ETHE1: variants seen among roughly 807,000 people sequenced by gnomAD.
The protein encoded by ETHE1 is ETHE1 persulfide dioxygenase, also known as persulfide dioxygenase ETHE1, mitochondrial.
ETHE1 carries 16 observed loss-of-function variants against 25.7 expected under a neutral mutation model. The observed-to-expected ratio is 0.62, with a 90% CI of 0.42 to 0.95. ETHE1 has a LOEUF of 0.95. Among genes scored for constraint, ETHE1 ranks in the 40% least tolerant of loss-of-function variants. The probability of loss-of-function intolerance (pLI) is 0.00; values close to 1 mark genes in which losing one functional copy is unlikely to be tolerated. For synonymous variants in ETHE1, 139 were observed against 135.9 expected (o/e 1.02, Z -0.16); for missense variants, 300 against 333.6 (o/e 0.90, Z 0.79).
At chr19:43,522,063 C>T (rs2070515631) in intron 3 of ETHE1, among the ~76,000 whole-genome samples, 1 of 152,118 alleles carries the variant, frequency 6.6e-6, no homozygotes, top group Non-Finnish European at 1.5e-5. Flanking sequence ...TTTGGCCTGC[C>T]ATCAGTTTTT....
intron 3 of ETHE1, among the ~76,000 whole-genome samples, chr19:43,518,547 C>T (rs1467626224): frequency 1.3e-5 from 2 of 151,380 alleles, no homozygotes; most frequent in African/African-American, 4.9e-5. Flanking sequence ...GAGATCGAGA[C>T]CATCCTGGCT....
intron 3 of ETHE1, among the ~76,000 whole-genome samples, chr19:43,522,241 G>A (rs1233912391): frequency 2.0e-5 from 3 of 152,162 alleles, no homozygotes; most frequent in African/African-American, 7.2e-5. Context: ...GAGCAACACA[G>A]CAAGACTCAG....
chr19:43,507,430 AG>A, intron 6 of ETHE1, among the ~76,000 whole-genome samples: 1 of 68,202 alleles, frequency 1.5e-5, no homozygotes, highest in Non-Finnish European at 2.7e-5. Flanking sequence ...CAGACCCAGG[AG>A]CCCAGGTCCC....
intron 3 of ETHE1, among the ~76,000 whole-genome samples, chr19:43,521,283 C>T (rs1972134001): frequency 6.6e-6 from 1 of 152,118 alleles, no homozygotes; most frequent in Non-Finnish European, 1.5e-5. Context: ...CGAGACTGCG[C>T]CACTGCACTC....
intron 3 of ETHE1, among the ~76,000 whole-genome samples, chr19:43,515,080 C>T (rs917938031): frequency 2.0e-5 from 3 of 151,886 alleles, no homozygotes; most frequent in South Asian, 4.2e-4. Flanking sequence ...AAAGCAATAC[C>T]GTTGAAATAA....
chr19:43,516,623 CTT>C (rs71169249), intron 3 of ETHE1, among the ~76,000 whole-genome samples: 5 of 110,156 alleles, frequency 4.5e-5, no homozygotes, highest in Admixed American at 1.2e-4. Flanking sequence ...TTCTTTTTTT[CTT>C]TTTTTTTTTT....
At chr19:43,515,524 G>A (rs1972001915) in intron 3 of ETHE1, among the ~76,000 whole-genome samples, 1 of 151,492 alleles carries the variant, frequency 6.6e-6, no homozygotes, top group Admixed American at 6.6e-5. Flanking sequence ...ATACCTCCAA[G>A]AACCCAGTGG....
chr19:43,515,207 A>G (rs1599997212), intron 3 of ETHE1, among the ~76,000 whole-genome samples: 2 of 152,236 alleles, frequency 1.3e-5, no homozygotes, highest in East Asian at 3.9e-4. Flanking sequence ...ACCTGAGGTC[A>G]GGAGTTCGAG....
Position 43,527,015 on chromosome 19 carries a change from C to G in ETHE1, c.81+82G>C, listed in dbSNP as rs527449742. Reference sequence around the variant, plus strand: ...TGCAGGCGTGGGTCCCCCCGGATCTCTCCCTATTAAGAGACCCCGGAGTTC... The same window carrying G: ...TGCAGGCGTGGGTCCCCCCGGATCTGTCCCTATTAAGAGACCCCGGAGTTC... On this transcript the variant is annotated intron_variant, in intron 1 of 6. Coordinates refer to ENST00000292147, the MANE Select transcript of ETHE1 (RefSeq NM_014297.5). 2.1e-5 allele frequency: 32 copies of G among 1,538,524 alleles called. 1 individual carries two copies. The Admixed American group carries it at 6.1e-4, about 29-fold the overall frequency.
At chr19:43,516,616 TTTTTTTC>T (rs1449351014) in intron 3 of ETHE1, among the ~76,000 whole-genome samples, 34 of 97,870 alleles carry the variant, frequency 3.5e-4, no homozygotes, top group African/African-American at 1.2e-3. Context: ...TTTTTCTTTC[TTTTTTTC>T]TTTTTTTTTT....
Position 43,527,118 on chromosome 19 carries a change from T to C in ETHE1, c.60A>G (p.Gly20=), listed in dbSNP as rs1972269893. 1 of 1,556,324 alleles carries C rather than the reference T, an allele frequency of 6.4e-7. No homozygotes were observed. The highest frequency in any genetic ancestry group is 8.7e-7 in the Non-Finnish European group (1 of 1,153,942). ...RRQLSQRGGS[G]APILLRQMFE... Reference sequence around the variant, plus strand: ...GCACCTGCCGCAGGAGGATGGGGGCTCCAGACCCGCCGCGCTGGCTCAGCT... The same window carrying C: ...GCACCTGCCGCAGGAGGATGGGGGCCCCAGACCCGCCGCGCTGGCTCAGCT... The change falls in exon 1 of 7, where the codon GGA becomes GGG. Residue 20 remains glycine (G), a synonymous_variant. Coordinates refer to ENST00000292147, the MANE Select transcript of ETHE1 (RefSeq NM_014297.5).
chr19:43,514,413 C>T (rs1006492815), intron 3 of ETHE1, among the ~76,000 whole-genome samples: 2 of 151,974 alleles, frequency 1.3e-5, no homozygotes, highest in African/African-American at 4.8e-5. Context: ...ATTGGGAGGC[C>T]TCCCAAGCCA....
In ETHE1 at chr19:43,525,928, A is replaced by G; in HGVS notation, c.375+273T>C. On this transcript the variant is annotated intron_variant, in intron 3 of 6. Transcript: ENST00000292147. ...TTTTATGGAGATGCATGCCAGGCCA[A>G]AGGGCTGCCCCTAAGCTTTAGGAAG... The G allele has an allele frequency of 7.5e-6, 4 of 533,114 alleles. No individual in the cohort carries two copies. The South Asian group carries it at 8.3e-5, about 11-fold the overall frequency. 33.0% of individuals were successfully genotyped at this position (533,114 alleles called of 1,614,324 possible). A position where few individuals can be genotyped will look rare whatever the true frequency, so the allele number is the denominator to read the frequency against.
chr19:43,509,801 AAAG>A (rs754073324), intron 4 of ETHE1, among the ~76,000 whole-genome samples: 102 of 152,288 alleles, frequency 6.7e-4, no homozygotes, highest in African/African-American at 2.1e-3. Context: ...GTCTCAAAAA[AAAG>A]AAGAAGAAGA....
intron 3 of ETHE1, among the ~76,000 whole-genome samples, chr19:43,521,694 A>C (rs1354696970): frequency 6.8e-6 from 1 of 147,870 alleles, no homozygotes; most frequent in Non-Finnish European, 1.5e-5. Context: ...AGAAAGAAAG[A>C]AAACTCATTC....
At chr19:43,514,766 G>A (rs1971987519) in intron 3 of ETHE1, among the ~76,000 whole-genome samples, 2 of 152,140 alleles carry the variant, frequency 1.3e-5, no homozygotes, top group Admixed American at 6.5e-5. Flanking sequence ...TTACAGGCGT[G>A]AGCCACCACA....
rs1473509927 is a variant in ETHE1, at chr19:43,526,604, C to T, written c.137G>A (p.Arg46Gln). 12 of 1,613,958 alleles carry T rather than the reference C, an allele frequency of 7.4e-6. No homozygotes were observed. The highest frequency in any genetic ancestry group is 1.1e-5 in the South Asian group (1 of 91,076). ...FTYLLGDRES[R>Q]EAVLIDPVLE... The stretch of plus-strand genomic sequence containing the variant: ...GACTGGGTCGATCAGAACGGCCTCC[C>T]GGGACTCTCTGTCACCCAGCAGGTA... The change falls in exon 2 of 7, where the codon CGG becomes CAG. Residue 46 changes from arginine to glutamine, a missense_variant. Arg to Gln is a conservative substitution (Grantham distance 43). Transcript: ENST00000292147.
chr19:43,516,602 C>CT (rs1323560608), intron 3 of ETHE1, among the ~76,000 whole-genome samples: 35 of 140,876 alleles, frequency 2.5e-4, no homozygotes, highest in Admixed American at 7.4e-5. Context: ...CCATGCCTGG[C>CT]TTTTTTTTCT....
chr19:43,514,407 G>A (rs1971980026), intron 3 of ETHE1, among the ~76,000 whole-genome samples: 1 of 151,900 alleles, frequency 6.6e-6, no homozygotes, highest in Non-Finnish European at 1.5e-5. Flanking sequence ...ACCATGATTG[G>A]GAGGCCTCCC....
Sources: gnomAD v4.1 joint callset for allele counts (sites outside exome capture counted in the v4.1 genomes callset) on GRCh38, gnomAD v4.1.1 for gene constraint, MANE v1.5 for transcripts, NCBI Gene and HGNC (gene_info 2026-07-23, HGNC 2026-07-21) for gene names.